Variants in MUC5AC observed in about 807,000 individuals in gnomAD.
The protein encoded by MUC5AC is mucin-5AC.
A neutral mutation model predicts 169.7 loss-of-function variants in MUC5AC; 158 were observed. That is an observed-to-expected ratio of 0.93 (90% confidence interval 0.82 to 1.06). MUC5AC has a LOEUF of 1.06. MUC5AC is among the 50% of genes least tolerant of loss of function. MUC5AC has a pLI of 0.00. For synonymous variants in MUC5AC, 1,975 were observed against 1,237.0 expected, an observed-to-expected ratio of 1.60 and a Z score of -12.52; for missense variants, 4,359 against 3,089.9, an observed-to-expected ratio of 1.41 and a Z score of -9.74.
intron 6 of MUC5AC, among the ~76,000 whole-genome samples, 165 bp downstream of exon 6, chr11:1,163,210 A>G (rs776375069): frequency 1.8e-4 from 27 of 152,242 alleles, no homozygotes; most frequent in Non-Finnish European, 3.5e-4. Flanking sequence ...GCGATCCCGC[A>G]ACGCCGGCCT....
intron 1 of MUC5AC, among the ~76,000 whole-genome samples, chr11:1,159,110 G>A (rs1022154883): frequency 6.6e-5 from 10 of 151,954 alleles, no homozygotes; most frequent in Non-Finnish European, 8.8e-5. Flanking sequence ...CGTCATCTCC[G>A]TCTCCCCCAC....
chr11:1,186,346 C>T lies in MUC5AC; in HGVS notation c.8201C>T (p.Ser2734Phe), dbSNP rs1860945802. 9.7e-6 allele frequency: 7 copies of T among 720,140 alleles called. No individual in the cohort carries two copies. Among genetic ancestry groups the T allele is most frequent in the South Asian group, 8.7e-5 (6 of 69,242 alleles). 44.6% of individuals were successfully genotyped at this position (720,140 alleles called of 1,614,324 possible). A position where few individuals can be genotyped will look rare whatever the true frequency, so the allele number is the denominator to read the frequency against. Reference sequence around the variant, plus strand: ...TCGGCCCCAACAACCAGCACAACCTCTGCCACTACAACCAGCACGACCTCT... The same window carrying T: ...TCGGCCCCAACAACCAGCACAACCTTTGCCACTACAACCAGCACGACCTCT... ...TISAPTTSTT[S>F]ATTTSTTSAP... Residue 2734 changes from serine (S) to phenylalanine (F), a missense_variant, in exon 31 of 49, where the codon TCT becomes TTT. Coordinates refer to ENST00000621226, the MANE Select transcript of MUC5AC (RefSeq NM_001304359.2).
intron 1 of MUC5AC, among the ~76,000 whole-genome samples, chr11:1,159,736 GGTCCCACCA>G (rs1860077903): frequency 2.8e-4 from 38 of 136,242 alleles, no homozygotes; most frequent in East Asian, 6.8e-4. Flanking sequence ...GCTGGGGTCT[GGTCCCACCA>G]TGCTGGCTCT....
intron 40 of MUC5AC, 148 bp downstream of exon 40, chr11:1,197,056 G>A (rs79002585): frequency 1.1e-4 from 69 of 630,120 alleles, no homozygotes; most frequent in Non-Finnish European, 1.5e-4. Context: ...AGGGCTGCGG[G>A]AGGAGCCGGG....
chr11:1,162,925 G>C, intron 5 of MUC5AC, 30 bp from the exon 6 acceptor site: 4 of 1,594,424 alleles, frequency 2.5e-6, no homozygotes, highest in Non-Finnish European at 3.4e-6. Flanking sequence ...CCCTGGTGGG[G>C]ATGGGTGTCT....
chr11:1,177,485 TGGAGGTGATCG>T lies in MUC5AC; in HGVS notation c.2943_2953del (p.Glu981AspfsTer61). The T allele has an allele frequency of 2.5e-6, 1 of 398,488 alleles. No homozygotes were observed. The highest frequency in any genetic ancestry group is 4.4e-6 in the Non-Finnish European group (1 of 226,120). 24.7% of individuals were successfully genotyped at this position (398,488 alleles called of 1,614,324 possible). ...GAGCTGAAGCTAAGCCATGGGAAGG[TGGAGGTGATCG>T]GGACGGACGAGAGCCAGGAGGTGCC... On this transcript the variant is annotated frameshift_variant, in exon 24 of 49. Coordinates refer to ENST00000621226, the MANE Select transcript of MUC5AC (RefSeq NM_001304359.2). LOFTEE classifies it high-confidence loss of function.
Position 1,189,440 on chromosome 11 carries a change from G to A in MUC5AC, c.11295G>A (p.Thr3765=), listed in dbSNP as rs1317923115. 8 of 478,892 alleles carry A rather than the reference G, an allele frequency of 1.7e-5. No homozygotes were observed. The highest frequency in any genetic ancestry group is 3.7e-5 in the South Asian group (1 of 27,218). The allele number at this position is 478,892 out of a possible 1,614,324, so 29.7% of individuals were successfully genotyped here. The change falls in exon 31 of 49, where the codon ACG becomes ACA. Residue 3765 remains threonine, a synonymous_variant. Transcript: ENST00000621226. The part of the protein sequence containing the change: ...APTASTTSAP[T]STSSAPTTNT... ...CAGCCAGCACAACGTCAGCTCCTAC[G>A]AGCACTTCCTCGGCTCCTACAACCA...
intron 16 of MUC5AC, among the ~76,000 whole-genome samples, chr11:1,173,550 A>C: frequency 3.2e-5 from 4 of 123,882 alleles, no homozygotes; most frequent in East Asian, 2.5e-4. Flanking sequence ...CTGACTCACT[A>C]ATTCCTTCAC....
In MUC5AC at chr11:1,188,386, C is replaced by G; in HGVS notation, c.10241C>G (p.Thr3414Arg). 3.2e-6 allele frequency: 2 copies of G among 633,540 alleles called. No homozygotes were observed. Among genetic ancestry groups the G allele is most frequent in the Non-Finnish European group, 2.9e-6 (1 of 341,920 alleles). 39.2% of individuals were successfully genotyped at this position (633,540 alleles called of 1,614,324 possible). Residue 3414 changes from threonine to arginine, a missense_variant, in exon 31 of 49, where the codon ACA (threonine) becomes AGA (arginine). Coordinates refer to ENST00000621226, the MANE Select transcript of MUC5AC (RefSeq NM_001304359.2). ...TSISSAPTSSTTSAPTSSTIS... is the reference protein window; with the variant it reads ...TSISSAPTSSRTSAPTSSTIS... The stretch of plus-strand genomic sequence containing the variant: ...ATATCCTCTGCCCCTACAAGCAGCA[C>G]AACCTCGGCTCCTACAAGCAGCACA...
chr11:1,185,846 T>C lies in MUC5AC; in HGVS notation c.7701T>C (p.Gly2567=), dbSNP rs1860929441. 2.7e-6 allele frequency: 2 copies of C among 746,218 alleles called. No homozygotes were observed. Among genetic ancestry groups the C allele is most frequent in the Non-Finnish European group, 4.9e-6 (2 of 409,260 alleles). 46.2% of individuals were successfully genotyped at this position (746,218 alleles called of 1,614,324 possible). ...TSATTTSTTS[G]PGTTPSPVPT... is the part of the protein sequence containing the mutation. ...CCACTACAACCAGCACAACCTCTGGTCCTGGAACTACTCCCAGCCCTGTTC... is the reference window on the plus strand; with the variant it reads ...CCACTACAACCAGCACAACCTCTGGCCCTGGAACTACTCCCAGCCCTGTTC... Residue 2567 remains glycine, a synonymous_variant, in exon 31 of 49, where the codon GGT becomes GGC. Coordinates refer to ENST00000621226, the MANE Select transcript of MUC5AC (RefSeq NM_001304359.2).
chr11:1,200,961 T>C lies in MUC5AC; in HGVS notation c.*259T>C. ...AGCTCCTCTGGCCATGCATCCAGCC[T>C]GCTGTTCTGGGGACGTGAGCATCAC... is the stretch of plus-strand genomic sequence containing the variant. On this transcript the variant is annotated 3_prime_UTR_variant, in exon 49 of 49. Transcript: ENST00000621226. 2.7e-6 allele frequency: 1 copy of C among 376,164 alleles called. No individual in the cohort carries two copies. The highest frequency in any genetic ancestry group is 4.8e-6 in the Non-Finnish European group (1 of 208,804). The allele number at this position is 376,164 out of a possible 1,614,324, so 23.3% of individuals were successfully genotyped here. A position where few individuals can be genotyped will look rare whatever the true frequency, so the allele number is the denominator to read the frequency against.
chr11:1,159,438 G>A, intron 1 of MUC5AC, among the ~76,000 whole-genome samples: 1 of 145,932 alleles, frequency 6.9e-6, no homozygotes, highest in South Asian at 2.2e-4. Flanking sequence ...GGGTTGTGTG[G>A]GGGGTCTGGT....
At chr11:1,172,381 G>A (rs1288332165) in intron 15 of MUC5AC, 48 bp from the exon 16 acceptor site, 4 of 398,612 alleles carry the variant, frequency 1.0e-5, no homozygotes, top group Non-Finnish European at 1.8e-5. Flanking sequence ...GGTGGGATGA[G>A]TGTGCTGCCT....
Position 1,182,335 on chromosome 11 carries a change from G to T in MUC5AC, c.4190G>T (p.Arg1397Leu), listed in dbSNP as rs1379216338. 7.5e-6 allele frequency: 3 copies of T among 398,466 alleles called. No homozygotes were observed. The highest frequency in any genetic ancestry group is 1.3e-5 in the Non-Finnish European group (3 of 226,022). The allele number at this position is 398,466 out of a possible 1,614,324, so 24.7% of individuals were successfully genotyped here. ...CLWSPWMDVS[R>L]PGRGTDSGDF... ...TGGTCGCCATGGATGGATGTCAGCC[G>T]CCCTGGACGGGGCACGGACAGCGGT... Residue 1397 changes from arginine (R) to leucine (L), a missense_variant, in exon 31 of 49, where the codon CGC (arginine) becomes CTC (leucine). Physicochemically the swap from Arg to Leu is moderately radical, Grantham distance 102. Transcript: ENST00000621226.
At chr11:1,169,579 C>T (rs1287849205) in intron 15 of MUC5AC, among the ~76,000 whole-genome samples, 3 of 144,444 alleles carry the variant, frequency 2.1e-5, no homozygotes, top group East Asian at 2.1e-4. Flanking sequence ...CTCACCCATT[C>T]GCCCACTCAC....
At position 1,183,941 on chromosome 11, in the gene MUC5AC, G is replaced by C. The variant is rs1860869449; in HGVS notation, c.5796G>C (p.Gly1932=). The change falls in exon 31 of 49, where the codon GGG becomes GGC. Residue 1932 remains glycine, a synonymous_variant. Transcript: ENST00000621226. The part of the protein sequence containing the change: ...STSSMSTTAP[G]TSVVSSKPTP... The stretch of plus-strand genomic sequence containing the variant: ...CATCCATGTCGACCACGGCCCCGGG[G>C]ACCTCTGTGGTCTCCAGCAAGCCCA... 2.5e-6 allele frequency: 1 copy of C among 396,674 alleles called. No homozygotes were observed. Among genetic ancestry groups the C allele is most frequent in the African/African-American group, 2.2e-5 (1 of 44,870 alleles). 24.6% of individuals were successfully genotyped at this position (396,674 alleles called of 1,614,324 possible).
chr11:1,192,745 G>T (rs1564917526), intron 31 of MUC5AC, 38 bp from the exon 32 acceptor site: 1 of 733,980 alleles, frequency 1.4e-6, no homozygotes. Context: ...CTTTGAGCAG[G>T]ACTCCACTAA....
At chr11:1,194,006 G>T in intron 33 of MUC5AC, 104 bp from the exon 34 acceptor site, 1 of 692,234 alleles carries the variant, frequency 1.4e-6, no homozygotes, top group South Asian at 1.6e-5. Flanking sequence ...TGTGAGATGA[G>T]ACGGTGGGGG....
chr11:1,177,896 G>A (rs2133746479), intron 24 of MUC5AC, among the ~76,000 whole-genome samples: 1 of 150,438 alleles, frequency 6.6e-6, no homozygotes, highest in Admixed American at 6.6e-5. Context: ...AGTCCAGCAG[G>A]GCATCCACAG....
Sources: allele counts gnomAD v4.1 joint callset (sites outside exome capture counted in the v4.1 genomes callset), GRCh38; gene constraint gnomAD v4.1.1; transcripts MANE v1.5; gene names NCBI Gene and HGNC (gene_info 2026-07-23, HGNC 2026-07-21).